MPRIP: variants seen among roughly 807,000 people sequenced by gnomAD.
The protein encoded by MPRIP is myosin phosphatase Rho-interacting protein.
A neutral mutation model predicts 234.9 loss-of-function variants in MPRIP; 59 were observed. The observed-to-expected ratio is 0.25, with a 90% CI of 0.20 to 0.31. The LOEUF is 0.31. Ranked by LOEUF, MPRIP falls within the 10% of genes least tolerant of loss-of-function variation. MPRIP has a pLI of 1.00. For synonymous variants in MPRIP, 1,144 were observed against 1,263.9 expected (o/e 0.91, Z 2.01); for missense variants, 2,436 against 3,071.0 (o/e 0.79, Z 4.89).
chr17:17,061,236 G>C (rs2088858534), intron 1 of MPRIP, among the ~76,000 whole-genome samples: 1 of 152,180 alleles, frequency 6.6e-6, no homozygotes. Flanking sequence ...GCTCACCCCT[G>C]ACTTTTACTG....
At chr17:17,084,689 C>A (rs1250248981) in intron 3 of MPRIP, among the ~76,000 whole-genome samples, 1 of 152,212 alleles carries the variant, frequency 6.6e-6, no homozygotes, top group African/African-American at 2.4e-5. Context: ...TTGCTGGAGG[C>A]CAGGCAGGGC....
At chr17:17,152,521 G>A (rs531469719) in intron 12 of MPRIP, among the ~76,000 whole-genome samples, 26 of 152,362 alleles carry the variant, frequency 1.7e-4, no homozygotes, top group African/African-American at 5.3e-4. Flanking sequence ...CCAGTGTGGA[G>A]AAGGCTTCCT....
At chr17:17,120,377 T>C (rs1441269177) in intron 3 of MPRIP, among the ~76,000 whole-genome samples, 1 of 152,064 alleles carries the variant, frequency 6.6e-6, no homozygotes, top group African/African-American at 2.4e-5. Flanking sequence ...AGCAGTATTA[T>C]CCTAACCCAG....
At chr17:17,176,585 C>A in intron 21 of MPRIP, 73 bp downstream of exon 21, 1 of 1,194,634 alleles carries the variant, frequency 8.4e-7, no homozygotes, top group Non-Finnish European at 1.2e-6. Flanking sequence ...TGAACTCAGG[C>A]TGGTGCTCAG....
chr17:17,044,554 A>T (rs528513304), intron 1 of MPRIP, among the ~76,000 whole-genome samples: 2 of 152,286 alleles, frequency 1.3e-5, no homozygotes, highest in South Asian at 4.1e-4. Flanking sequence ...AATTTAACAA[A>T]CCAAAAAAAC....
intron 5 of MPRIP, among the ~76,000 whole-genome samples, chr17:17,132,897 C>G (rs2090625263): frequency 6.6e-6 from 1 of 152,246 alleles, no homozygotes; most frequent in Non-Finnish European, 1.5e-5. Context: ...TCCCCCAAAG[C>G]TTCCCAGTTG....
At chr17:17,050,150 C>T (rs535082543) in intron 1 of MPRIP, among the ~76,000 whole-genome samples, 1 of 152,180 alleles carries the variant, frequency 6.6e-6, no homozygotes, top group Admixed American at 6.5e-5. Flanking sequence ...CCTGTCTCTA[C>T]TAAAAATACA....
rs1382571780 is a variant in MPRIP, at chr17:17,189,079, CTT to C, written c.*4188_*4189del. 1 of 151,678 alleles carries C rather than the reference CTT, an allele frequency of 6.6e-6. No individual in the cohort carries two copies. Among genetic ancestry groups the C allele is most frequent in the Non-Finnish European group, 1.5e-5 (1 of 68,020 alleles). The allele number at this position is 151,678 out of a possible 1,614,324, so 9.4% of individuals were successfully genotyped here. On this transcript the variant is annotated 3_prime_UTR_variant, in exon 24 of 24. Coordinates refer to ENST00000651222, the MANE Select transcript of MPRIP (RefSeq NM_001364716.4). The stretch of plus-strand genomic sequence containing the variant: ...AAAGAATGTGACACATCAACATTAA[CTT>C]TTCCTGAAAAGAAGAGTTTGCCTAA...
At chr17:17,070,764 G>A (rs1445759647) in intron 1 of MPRIP, among the ~76,000 whole-genome samples, 1 of 152,204 alleles carries the variant, frequency 6.6e-6, no homozygotes, top group Non-Finnish European at 1.5e-5. Flanking sequence ...GGTTGTCTTT[G>A]TTCATTCAGT....
intron 1 of MPRIP, among the ~76,000 whole-genome samples, chr17:17,061,288 G>C (rs1319559176): frequency 6.6e-6 from 1 of 152,232 alleles, no homozygotes; most frequent in African/African-American, 2.4e-5. Context: ...CAACCTTGAA[G>C]TCTCCCATGA....
chr17:17,045,175 G>GC (rs1448844546), intron 1 of MPRIP, among the ~76,000 whole-genome samples: 1 of 152,204 alleles, frequency 6.6e-6, no homozygotes, highest in Non-Finnish European at 1.5e-5. Context: ...AGATACATCA[G>GC]CCACCATCGA....
At chr17:17,073,683 C>T (rs1361042775) in intron 1 of MPRIP, among the ~76,000 whole-genome samples, 10 of 152,180 alleles carry the variant, frequency 6.6e-5, no homozygotes, top group Middle Eastern at 3.4e-3. Context: ...CATGCAAGGC[C>T]TCTGGGTGGG....
In MPRIP at chr17:17,165,262, C is replaced by T; in HGVS notation, c.3671C>T (p.Pro1224Leu). The T allele has an allele frequency of 7.7e-7, 1 of 1,304,038 alleles. No homozygotes were observed. Among genetic ancestry groups the T allele is most frequent in the South Asian group, 1.2e-5 (1 of 81,026 alleles). 80.8% of individuals were successfully genotyped at this position (1,304,038 alleles called of 1,614,324 possible). ...EILRKFASES[P>L]KDMEEPRSTP... ...TTAAGGAAATTTGCAAGTGAATCTC[C>T]AAAGGACATGGAAGAGCCACGGAGT... Residue 1224 changes from proline (P) to leucine (L), a missense_variant, in exon 16 of 24, where the codon CCA becomes CTA. By Grantham distance (98) the Pro-to-Leu change is moderately conservative (BLOSUM62 -3). Transcript: ENST00000651222.
At chr17:17,055,450 C>G (rs2088664285) in intron 1 of MPRIP, among the ~76,000 whole-genome samples, 1 of 152,136 alleles carries the variant, frequency 6.6e-6, no homozygotes, top group Admixed American at 6.5e-5. Context: ...TTCGTGGCCC[C>G]CTGGTCACCA....
chr17:17,090,576 T>G (rs547273680), intron 3 of MPRIP, among the ~76,000 whole-genome samples: 1 of 152,236 alleles, frequency 6.6e-6, no homozygotes, highest in East Asian at 1.9e-4. Flanking sequence ...GTGGCTGTCT[T>G]GGGGCAAAAG....
chr17:17,150,447 C>G (rs2045575812), intron 12 of MPRIP, among the ~76,000 whole-genome samples: 1 of 152,112 alleles, frequency 6.6e-6, no homozygotes, highest in Non-Finnish European at 1.5e-5. Context: ...ACGTTAGTAT[C>G]TTTTTTCTGA....
At position 17,137,943 on chromosome 17, in the gene MPRIP, T is replaced by G. The variant is rs756815411; in HGVS notation, c.764T>G (p.Met255Arg). 35 of 1,611,530 alleles carry G rather than the reference T, an allele frequency of 2.2e-5. No homozygotes were observed. Among genetic ancestry groups the G allele is most frequent in the Non-Finnish European group, 3.0e-5 (35 of 1,178,966 alleles). The change falls in exon 7 of 24, where the codon ATG becomes AGG. Residue 255 changes from methionine to arginine, a missense_variant. Physicochemically the swap from Met to Arg is moderately conservative, Grantham distance 91. Coordinates refer to ENST00000651222, the MANE Select transcript of MPRIP (RefSeq NM_001364716.4). ...EEESAMSSDRMDCGRKVRVES... is the reference protein window; with the variant it reads ...EEESAMSSDRRDCGRKVRVES... The stretch of plus-strand genomic sequence containing the variant: ...GAGAGCGCCATGAGTAGCGACCGCA[T>G]GGACTGTGGCCGCAAAGTCCGGGTG...
At chr17:17,063,860 C>T (rs1158615575) in intron 1 of MPRIP, among the ~76,000 whole-genome samples, 1 of 152,226 alleles carries the variant, frequency 6.6e-6, no homozygotes, top group East Asian at 1.9e-4. Flanking sequence ...AGCTTGACAA[C>T]ACTGGGTATA....
chr17:17,165,867 G>A lies in MPRIP; in HGVS notation c.4276G>A (p.Glu1426Lys), dbSNP rs867212291. 5.4e-6 allele frequency: 7 copies of A among 1,304,050 alleles called. No homozygotes were observed. The highest frequency in any genetic ancestry group is 6.1e-6 in the Non-Finnish European group (6 of 988,950). The allele number at this position is 1,304,050 out of a possible 1,614,324, so 80.8% of individuals were successfully genotyped here. A position where few individuals can be genotyped will look rare whatever the true frequency, so the allele number is the denominator to read the frequency against. The change falls in exon 16 of 24, where the codon GAG (glutamate) becomes AAG (lysine). Residue 1426 changes from glutamate (E) to lysine (K), a missense_variant. By Grantham distance (56) the Glu-to-Lys change is moderately conservative. Around this residue, in one of 4 missense-constraint regions of MPRIP, gnomAD observed 1,998 missense variants for 2,520.3 expected, o/e 0.79. Transcript: ENST00000651222. ...ACTGCACCACCAGTGGGCGGGCACCGAGGCCCAGCTGCGTGAGCAGCTCCG... is the reference window on the plus strand; with the variant it reads ...ACTGCACCACCAGTGGGCGGGCACCAAGGCCCAGCTGCGTGAGCAGCTCCG... The part of the protein sequence containing the change: ...LALHHQWAGT[E>K]AQLREQLRAS...
Sources: allele counts gnomAD v4.1 joint callset (sites outside exome capture counted in the v4.1 genomes callset), GRCh38; gene constraint gnomAD v4.1.1; regional missense constraint gnomAD v4.1.1; transcripts MANE v1.5; gene names NCBI Gene and HGNC (gene_info 2026-07-23, HGNC 2026-07-21).